Variants in PABIR3 observed in about 807,000 individuals in gnomAD.
PABIR3 encodes the protein PABIR family member 1.
A neutral mutation model predicts 23.1 loss-of-function variants in PABIR3; 20 were observed. That is an observed-to-expected ratio of 0.86 (90% CI 0.61 to 1.26). The LOEUF (loss-of-function observed/expected upper bound fraction) is 1.26, where lower values mean the gene tolerates loss of function less well. Among genes scored for constraint, PABIR3 ranks in the 50% most tolerant of loss-of-function variants. PABIR3 has a pLI of 0.00. For missense variants in PABIR3, 189 were observed against 195.4 expected, an observed-to-expected ratio of 0.97 and a Z score of 0.20; for synonymous variants, 69 against 68.5, an observed-to-expected ratio of 1.01 and a Z score of -0.04.
the PABIR3 span, among the ~76,000 whole-genome samples, chrX:134,862,964 T>C: frequency 9.8e-5 from 11 of 112,218 alleles, no homozygotes; most frequent in South Asian, 3.6e-4. Flanking sequence ...AAATCTTTCT[T>C]CCTCTAGATT....
Position 134,845,232 on chromosome X carries a change from G to GA in PABIR3, c.277dup (p.Thr93AsnfsTer4). The GA allele has an allele frequency of 8.4e-7, 1 of 1,194,680 alleles. No homozygotes were observed. Among genetic ancestry groups the GA allele is most frequent in the Non-Finnish European group, 1.1e-6 (1 of 885,681 alleles). On this transcript the variant is annotated frameshift_variant, in exon 5 of 11. Transcript: ENST00000645433. LOFTEE classifies it high-confidence loss of function. ...AGAAGCCATGGATTTAATAAATAGA[G>GA]AAACAATGTCTGAATGGTGAGTACT...
Position 134,852,816 on chromosome X carries a change from A to G in PABIR3, c.606A>G (p.Gln202=), listed in dbSNP as rs2082683038. The G allele has an allele frequency of 8.8e-7, 1 of 1,134,569 alleles. No homozygotes were observed. The allele number at this position is 1,134,569 out of a possible 1,213,427, so 93.5% of individuals were successfully genotyped here. The change falls in exon 10 of 11, where the codon CAA becomes CAG. Residue 202 remains glutamine, a synonymous_variant. Coordinates refer to ENST00000645433, the MANE Select transcript of PABIR3 (RefSeq NM_001388447.1). The stretch of plus-strand genomic sequence containing the variant: ...TTGTCATAGGTGAAATGGCATTTCA[A>G]TATCAACCAAAAAAGATTTTCCAAG... ...PLKRKGEMAF[Q]YQPKKIFQGT... is the part of the protein sequence containing the mutation.
At chrX:134,818,938 T>C (rs1034892278) in intron 3 of PABIR3, among the ~76,000 whole-genome samples, 30 of 100,465 alleles carry the variant, frequency 3.0e-4, no homozygotes, top group Middle Eastern at 5.0e-3. Flanking sequence ...TTCTTTCTTT[T>C]TTTTTTTTTT....
At chrX:134,817,133 T>C (rs2081029216) in intron 3 of PABIR3, among the ~76,000 whole-genome samples, 1 of 111,491 alleles carries the variant, frequency 9.0e-6, no homozygotes, top group Admixed American at 9.6e-5. Context: ...ATCGCGCCAC[T>C]GCACTCCAGC....
In PABIR3 at chrX:134,854,034, G is replaced by C; in HGVS notation, c.687-57G>C. 3 of 1,167,087 alleles carry C rather than the reference G, an allele frequency of 2.6e-6. 1 individual carries two copies. The highest frequency in any genetic ancestry group is 3.5e-6 in the Non-Finnish European group (3 of 860,172). ...TGCATTCATGTGTAGACAAAGCAGAGTATACAGAGAGATCTCTTGAGTTCT... is the reference window on the plus strand; with the variant it reads ...TGCATTCATGTGTAGACAAAGCAGACTATACAGAGAGATCTCTTGAGTTCT... On this transcript the variant is annotated intron_variant, in intron 10 of 10. Coordinates refer to ENST00000645433, the MANE Select transcript of PABIR3 (RefSeq NM_001388447.1).
intron 3 of PABIR3, among the ~76,000 whole-genome samples, chrX:134,818,934 CTTTTTTTTTTTTT>C (rs1216993828): frequency 2.6e-5 from 2 of 77,066 alleles, no homozygotes; most frequent in Admixed American, 3.1e-4. Context: ...TTTTTTCTTT[CTTTTTTTTTTTTT>C]TTTTTTTTTT....
At chrX:134,810,812 T>C in intron 2 of PABIR3, 1 of 752,498 alleles carries the variant, frequency 1.3e-6, no homozygotes, top group African/African-American at 2.3e-5. Flanking sequence ...ATTTCTTTAG[T>C]AGGAATTAAA....
chrX:134,854,409 G>A lies in PABIR3; in HGVS notation c.*192G>A. The A allele has an allele frequency of 2.7e-6, 1 of 376,172 alleles. No individual in the cohort carries two copies. The highest frequency in any genetic ancestry group is 4.2e-6 in the Non-Finnish European group (1 of 236,164). 31.0% of individuals were successfully genotyped at this position (376,172 alleles called of 1,213,427 possible). A position where few individuals can be genotyped will look rare whatever the true frequency, so the allele number is the denominator to read the frequency against. On this transcript the variant is annotated 3_prime_UTR_variant, in exon 11 of 11. Coordinates refer to ENST00000645433, the MANE Select transcript of PABIR3 (RefSeq NM_001388447.1). Reference sequence around the variant, plus strand: ...CAGAACTTGCGTGTATAATTCTTGTGTACATCCTTAAATTTAATGTAATAA... The same window carrying A: ...CAGAACTTGCGTGTATAATTCTTGTATACATCCTTAAATTTAATGTAATAA...
chrX:134,843,012 C>T (rs951668458), intron 4 of PABIR3, among the ~76,000 whole-genome samples: 1 of 109,756 alleles, frequency 9.1e-6, no homozygotes, highest in Non-Finnish European at 1.9e-5. Flanking sequence ...ACCAGCCTGA[C>T]CAACACGTGA....
intron 8 of PABIR3, 78 bp from the exon 9 acceptor site, chrX:134,849,089 G>C: frequency 4.9e-6 from 2 of 404,138 alleles, no homozygotes; most frequent in African/African-American, 2.6e-5. Flanking sequence ...TATGTCCTTA[G>C]ATCTGTTATA....
chrX:134,854,184 G>A lies in PABIR3; in HGVS notation c.780G>A (p.Val260=). Residue 260 remains valine, a synonymous_variant, in exon 11 of 11, where the codon GTG becomes GTA. Transcript: ENST00000645433. ...AEIGTVTNSP[V]SPSDTGSHLF is the part of the protein sequence containing the mutation. ...TCGGCACTGTCACAAACTCTCCTGT[G>A]TCACCTTCTGATACTGGTTCTCATT... 1 of 1,210,049 alleles carries A rather than the reference G, an allele frequency of 8.3e-7. No homozygotes were observed. Among genetic ancestry groups the A allele is most frequent in the Non-Finnish European group, 1.1e-6 (1 of 894,535 alleles).
intron 3 of PABIR3, 54 bp downstream of exon 3, chrX:134,814,903 C>A: frequency 1.1e-6 from 1 of 904,155 alleles, no homozygotes; most frequent in Non-Finnish European, 1.5e-6. Context: ...TTATTGGTCT[C>A]AACCAATGGT....
chrX:134,856,860 A>G (rs145724391), downstream of PABIR3, among the ~76,000 whole-genome samples: 478 of 110,483 alleles, frequency 4.3e-3, 9 homozygotes, highest in African/African-American at 0.015. Flanking sequence ...AAAATACAAG[A>G]TACTAGCTGA....
intron 3 of PABIR3, among the ~76,000 whole-genome samples, chrX:134,818,398 CAGA>C (rs1304131660): frequency 2.9e-4 from 32 of 111,230 alleles, no homozygotes; most frequent in African/African-American, 9.5e-4. Flanking sequence ...AAAAATCAGT[CAGA>C]AGAAGAGTGA....
intron 6 of PABIR3, among the ~76,000 whole-genome samples, chrX:134,846,532 G>C (rs373469403): frequency 1.8e-5 from 2 of 111,936 alleles, no homozygotes; most frequent in East Asian, 5.6e-4. Flanking sequence ...AACAAGTACT[G>C]AGCTGAAAAT....
chrX:134,807,707 G>C lies in PABIR3; in HGVS notation c.109G>C (p.Gly37Arg), dbSNP rs764928413. Residue 37 changes from glycine to arginine, a missense_variant and splice_region_variant, in exon 2 of 11, where the codon GGT becomes CGT. Coordinates refer to ENST00000645433, the MANE Select transcript of PABIR3 (RefSeq NM_001388447.1). Reference sequence around the variant, plus strand: ...CAGTGCCCCTTTGATCAATGGACTTGGGTGAGCCGGGTTGAGATACTGGAG... The same window carrying C: ...CAGTGCCCCTTTGATCAATGGACTTCGGTGAGCCGGGTTGAGATACTGGAG... ...VNSAPLINGL[G>R]FNSQVLQADM... 1 of 1,175,102 alleles carries C rather than the reference G, an allele frequency of 8.5e-7. No individual in the cohort carries two copies. The highest frequency in any genetic ancestry group is 3.1e-5 in the East Asian group (1 of 32,571).
In PABIR3 at chrX:134,807,262, A is replaced by G. The variant is rs1047429148; in HGVS notation, c.-139A>G. ...GTTTTGGCCGGAAAGGCTTACCATG[A>G]GTTGCCAGGGCTGAGAGAGATGGAG... On this transcript the variant is annotated 5_prime_UTR_variant, in exon 1 of 11. Coordinates refer to ENST00000645433, the MANE Select transcript of PABIR3 (RefSeq NM_001388447.1). 33 of 900,823 alleles carry G rather than the reference A, an allele frequency of 3.7e-5. No individual in the cohort carries two copies. The highest frequency in any genetic ancestry group is 4.4e-5 in the Non-Finnish European group (32 of 733,186). 74.2% of individuals were successfully genotyped at this position (900,823 alleles called of 1,213,427 possible).
rs1255814308 is a variant in PABIR3, at chrX:134,810,247, C to T, written c.110+2539C>T. ...TAAAGCCCTGGAAACAGAGAGATCT[C>T]AGTTATCCCTTCATACCTTGCTTTG... On this transcript the variant is annotated intron_variant, in intron 2 of 10. Transcript: ENST00000645433. The T allele has an allele frequency of 8.0e-6, 6 of 752,651 alleles. No homozygotes were observed. In the East Asian group the frequency reaches 9.1e-4, roughly 114 times the overall value. The allele number at this position is 752,651 out of a possible 1,213,427, so 62.0% of individuals were successfully genotyped here.
intron 8 of PABIR3, among the ~76,000 whole-genome samples, 185 bp downstream of exon 8, chrX:134,848,156 C>T (rs924584456): frequency 9.0e-6 from 1 of 110,797 alleles, no homozygotes; most frequent in African/African-American, 3.3e-5. Context: ...TTTGGGAGGC[C>T]GAGGCGGGTG....
Sources: gnomAD v4.1 joint callset for allele counts (sites outside exome capture counted in the v4.1 genomes callset) on GRCh38, gnomAD v4.1.1 for gene constraint, MANE v1.5 for transcripts, NCBI Gene and HGNC (gene_info 2026-07-23, HGNC 2026-07-21) for gene names.